The following LHFPL3 variants were observed in gnomAD, a reference collection of about 807,000 sequenced individuals.
LHFPL3 encodes LHFPL tetraspan subfamily member 3.
Under a neutral mutation model 19.3 loss-of-function variants are expected in LHFPL3, and 5 were observed. That is an observed-to-expected ratio of 0.26 (90% CI 0.14 to 0.54). The LOEUF (loss-of-function observed/expected upper bound fraction) is 0.54. Among genes scored for constraint, LHFPL3 ranks in the 20% least tolerant of loss-of-function variants. The pLI is 0.94. For missense variants in LHFPL3, 249 were observed against 307.4 expected, an observed-to-expected ratio of 0.81 and a Z score of 1.42; for synonymous variants, 133 against 126.2, an observed-to-expected ratio of 1.05 and a Z score of -0.36.
At chr7:104,521,419 A>G (rs535137978) in intron 1 of LHFPL3, among the ~76,000 whole-genome samples, 62 of 152,272 alleles carry the variant, frequency 4.1e-4, no homozygotes, top group Non-Finnish European at 3.4e-4. Context: ...AAAAATGTAT[A>G]TTCTGTTGAT....
intron 1 of LHFPL3, among the ~76,000 whole-genome samples, chr7:104,437,119 A>G (rs951186658): frequency 6.6e-6 from 1 of 152,246 alleles, no homozygotes; most frequent in Non-Finnish European, 1.5e-5. Context: ...AAGCTAATTT[A>G]TAACACTTGT....
chr7:104,819,678 G>A (rs1383480359), intron 2 of LHFPL3, among the ~76,000 whole-genome samples: 2 of 152,162 alleles, frequency 1.3e-5, no homozygotes, highest in Non-Finnish European at 2.9e-5. Flanking sequence ...CGATTCACAG[G>A]GAAGTCCTTT....
intron 1 of LHFPL3, among the ~76,000 whole-genome samples, chr7:104,400,158 G>A (rs1322679436): frequency 8.0e-6 from 1 of 124,902 alleles, no homozygotes; most frequent in East Asian, 2.5e-4. Flanking sequence ...GACTCTACAG[G>A]AGAGCTGAAA....
chr7:104,409,178 G>C (rs1252485479), intron 1 of LHFPL3, among the ~76,000 whole-genome samples: 3 of 151,972 alleles, frequency 2.0e-5, no homozygotes, highest in Non-Finnish European at 4.4e-5. Flanking sequence ...GCCCGGCCTA[G>C]TGTTGTAATT....
intron 2 of LHFPL3, among the ~76,000 whole-genome samples, chr7:104,844,357 C>T (rs867728607): frequency 6.6e-6 from 1 of 152,252 alleles, no homozygotes; most frequent in African/African-American, 2.4e-5. Context: ...AAGCGTCCAG[C>T]GTGAACCAGG....
chr7:104,884,236 T>C (rs1458580530), intron 2 of LHFPL3, among the ~76,000 whole-genome samples: 2 of 152,192 alleles, frequency 1.3e-5, no homozygotes, highest in East Asian at 3.9e-4. Context: ...TCTGCTTCCA[T>C]TCCCTTCTAT....
chr7:104,333,161 C>T (rs553911806), intron 1 of LHFPL3, among the ~76,000 whole-genome samples: 1 of 152,308 alleles, frequency 6.6e-6, no homozygotes, highest in Non-Finnish European at 1.5e-5. Context: ...CTAATAACCA[C>T]ATTTTATAAA....
At chr7:104,735,876 T>C (rs1214658677) in intron 1 of LHFPL3, among the ~76,000 whole-genome samples, 1 of 152,234 alleles carries the variant, frequency 6.6e-6, no homozygotes, top group Non-Finnish European at 1.5e-5. Flanking sequence ...AGTTCATCCA[T>C]TGATAGACAT....
At chr7:104,340,649 A>G (rs577965954) in intron 1 of LHFPL3, among the ~76,000 whole-genome samples, 1 of 152,316 alleles carries the variant, frequency 6.6e-6, no homozygotes, top group African/African-American at 2.4e-5. Flanking sequence ...TGCTGGATCT[A>G]CTTTGTTTTG....
At chr7:104,430,436 A>ATATATG (rs1562895310) in intron 1 of LHFPL3, among the ~76,000 whole-genome samples, 1 of 13,074 alleles carries the variant, frequency 7.6e-5, no homozygotes, top group Non-Finnish European at 1.4e-4. Flanking sequence ...ATATATATAT[A>ATATATG]TATATATATA....
At chr7:104,841,490 TGG>T (rs775464256) in intron 2 of LHFPL3, among the ~76,000 whole-genome samples, 1,491 of 144,984 alleles carry the variant, frequency 0.01, 44 homozygotes, top group East Asian at 0.038. Context: ...ATGCATTATG[TGG>T]GGTGTGTGTG....
chr7:104,561,068 C>A (rs190117097), intron 1 of LHFPL3, among the ~76,000 whole-genome samples: 15,709 of 151,692 alleles, frequency 0.1, 1,659 homozygotes, highest in African/African-American at 0.28. Flanking sequence ...AATTTCTGTT[C>A]TTTTACATTT....
At chr7:104,664,830 G>T (rs930663874) in intron 1 of LHFPL3, among the ~76,000 whole-genome samples, 1 of 152,116 alleles carries the variant, frequency 6.6e-6, no homozygotes, top group Non-Finnish European at 1.5e-5. Context: ...ACCTCCATTG[G>T]TGAGAATTAG....
At chr7:104,743,362 C>A (rs560093271) in intron 2 of LHFPL3, among the ~76,000 whole-genome samples, 1 of 152,254 alleles carries the variant, frequency 6.6e-6, no homozygotes, top group South Asian at 2.1e-4. Context: ...GTGGACAGAG[C>A]CCCAGATCAT....
At chr7:104,352,440 T>C (rs529343443) in intron 1 of LHFPL3, among the ~76,000 whole-genome samples, 1 of 152,280 alleles carries the variant, frequency 6.6e-6, no homozygotes, top group Non-Finnish European at 1.5e-5. Context: ...CTAACCACTT[T>C]CCCCGCTTTT....
chr7:104,675,854 T>TG (rs57642798), intron 1 of LHFPL3, among the ~76,000 whole-genome samples: 3 of 151,740 alleles, frequency 2.0e-5, no homozygotes, highest in Non-Finnish European at 4.4e-5. Context: ...ACTTCCCTTT[T>TG]AGATATATTA....
At chr7:104,663,324 T>A (rs1346854590) in intron 1 of LHFPL3, among the ~76,000 whole-genome samples, 1 of 152,192 alleles carries the variant, frequency 6.6e-6, no homozygotes, top group Admixed American at 6.5e-5. Context: ...AAAAAGAACC[T>A]TTGAGAATTT....
intron 2 of LHFPL3, among the ~76,000 whole-genome samples, chr7:104,806,464 G>A (rs564965059): frequency 6.6e-6 from 1 of 152,272 alleles, no homozygotes; most frequent in South Asian, 2.1e-4. Flanking sequence ...TTACAAATAG[G>A]AGTTTTAGAT....
chr7:104,423,057 C>T (rs985212775), intron 1 of LHFPL3, among the ~76,000 whole-genome samples: 3 of 150,680 alleles, frequency 2.0e-5, no homozygotes, highest in Admixed American at 1.3e-4. Context: ...AGCTTGCATT[C>T]TAGTGAGGGA....
Sources: allele counts gnomAD v4.1 joint callset (sites outside exome capture counted in the v4.1 genomes callset), GRCh38; gene constraint gnomAD v4.1.1; transcripts MANE v1.5; gene names NCBI Gene and HGNC (gene_info 2026-07-23, HGNC 2026-07-21).